Variants in D2HGDH observed in about 807,000 individuals in gnomAD.
D2HGDH encodes the protein D-2-hydroxyglutarate dehydrogenase, mitochondrial.
In D2HGDH, 31 loss-of-function variants were observed where a neutral mutation model predicts 46.9. The observed-to-expected ratio is 0.66, with a 90% CI of 0.50 to 0.89. The LOEUF (loss-of-function observed/expected upper bound fraction) is 0.89, where lower values mean the gene tolerates loss of function less well. Among genes scored for constraint, D2HGDH ranks in the 40% least tolerant of loss-of-function variants. D2HGDH has a pLI of 0.00. For missense variants in D2HGDH, 698 were observed against 720.8 expected (o/e 0.97, Z 0.36); for synonymous variants, 364 against 332.6 (o/e 1.09, Z -1.03).
At chr2:241,763,130 C>T (rs901876481) in intron 9 of D2HGDH, among the ~76,000 whole-genome samples, 1 of 152,184 alleles carries the variant, frequency 6.6e-6, no homozygotes, top group Non-Finnish European at 1.5e-5. Context: ...GTTCCGGGTG[C>T]AGGCCGCCGT....
intron 9 of D2HGDH, among the ~76,000 whole-genome samples, chr2:241,763,580 A>G (rs1405021587): frequency 1.3e-5 from 2 of 152,178 alleles, no homozygotes; most frequent in Admixed American, 6.5e-5. Flanking sequence ...CTGAGGCCAC[A>G]CTAAACTGAT....
In D2HGDH at chr2:241,767,820, A is replaced by G; in HGVS notation, c.1417A>G (p.Ser473Gly). ...EWTAGQQGSVSAEHGVGFRKR... is the reference protein window; with the variant it reads ...EWTAGQQGSVGAEHGVGFRKR... Reference sequence around the variant, plus strand: ...GACGGCCGGGCAGCAGGGCAGCGTCAGCGCGGAGCACGGAGTGGGCTTCAG... The same window carrying G: ...GACGGCCGGGCAGCAGGGCAGCGTCGGCGCGGAGCACGGAGTGGGCTTCAG... Residue 473 changes from serine (S) to glycine (G), a missense_variant, in exon 10 of 10, where the codon AGC (serine) becomes GGC (glycine). Physicochemically the swap from Ser to Gly is moderately conservative, Grantham distance 56 (BLOSUM62 0). Transcript: ENST00000321264. 1.9e-6 allele frequency: 3 copies of G among 1,612,428 alleles called. No homozygotes were observed. Among genetic ancestry groups the G allele is most frequent in the Non-Finnish European group, 2.5e-6 (3 of 1,179,534 alleles).
At position 241,751,281 on chromosome 2, in the gene D2HGDH, T is replaced by A; in HGVS notation, c.1033T>A (p.Ser345Thr). 1 of 1,614,006 alleles carries A rather than the reference T, an allele frequency of 6.2e-7. No individual in the cohort carries two copies. Among genetic ancestry groups the A allele is most frequent in the Non-Finnish European group, 8.5e-7 (1 of 1,180,040 alleles). The change falls in exon 8 of 10, where the codon TCC (serine) becomes ACC (threonine). Residue 345 changes from serine to threonine, a missense_variant. By Grantham distance (58) the Ser-to-Thr change is moderately conservative. Coordinates refer to ENST00000321264, the MANE Select transcript of D2HGDH (RefSeq NM_152783.5). The part of the protein sequence containing the change: ...PFYVLIETSG[S>T]NAGHDAEKLG... Reference sequence around the variant, plus strand: ...TTACGTCCTCATCGAGACTTCAGGCTCCAACGCAGGCCATGACGCTGAGAA... The same window carrying A: ...TTACGTCCTCATCGAGACTTCAGGCACCAACGCAGGCCATGACGCTGAGAA...
rs140096524 is a variant in D2HGDH at position 241,767,879 on chromosome 2, G to T, written c.1476G>T (p.Pro492=). The part of the protein sequence containing the change: ...KRDVLGYSKP[P]GALQLMQQLK... Reference sequence around the variant, plus strand: ...ACGTCCTGGGCTACAGCAAGCCACCGGGGGCCCTGCAGCTCATGCAGCAGC... The same window carrying T: ...ACGTCCTGGGCTACAGCAAGCCACCTGGGGCCCTGCAGCTCATGCAGCAGC... Residue 492 remains proline (P), a synonymous_variant, in exon 10 of 10, where the codon CCG becomes CCT. Coordinates refer to ENST00000321264, the MANE Select transcript of D2HGDH (RefSeq NM_152783.5). 1.2e-6 allele frequency: 2 copies of T among 1,608,164 alleles called. No individual in the cohort carries two copies. Among genetic ancestry groups the T allele is most frequent in the African/African-American group, 1.3e-5 (1 of 74,802 alleles).
Position 241,742,804 on chromosome 2 carries a change from G to A in D2HGDH, c.490+230G>A, listed in dbSNP as rs1417055900. On this transcript the variant is annotated intron_variant, in intron 4 of 9. Transcript: ENST00000321264. This position sits in a 1 kb window ranked among gnomAD's most constrained non-coding sequence, Gnocchi z 4.8. ...TTCTGGTCCCTTCCGACTCCATCCC[G>A]CTCTAGAGGTGTGTGAGGTGCAGAG... 6.6e-6 allele frequency among the ~76,000 whole-genome samples: 1 copy of A among 152,216 alleles called. No homozygotes were observed. The highest frequency in any genetic ancestry group is 1.5e-5 in the Non-Finnish European group (1 of 68,036).
chr2:241,735,203 C>A lies in D2HGDH; in HGVS notation c.-22C>A. 1 of 1,504,430 alleles carries A rather than the reference C, an allele frequency of 6.6e-7. No individual in the cohort carries two copies. Among genetic ancestry groups the A allele is most frequent in the South Asian group, 1.2e-5 (1 of 80,616 alleles). 93.2% of individuals were successfully genotyped at this position (1,504,430 alleles called of 1,614,324 possible). On this transcript the variant is annotated 5_prime_UTR_variant, in exon 2 of 10. Coordinates refer to ENST00000321264, the MANE Select transcript of D2HGDH (RefSeq NM_152783.5). ...ACCGGCCCCCCACCAAGGAGGAGCCCGAGGTCTCCGTCCCGGCGGCGATGC... is the reference window on the plus strand; with the variant it reads ...ACCGGCCCCCCACCAAGGAGGAGCCAGAGGTCTCCGTCCCGGCGGCGATGC...
At chr2:241,745,570 G>A (rs1695647633) in intron 6 of D2HGDH, among the ~76,000 whole-genome samples, 1 of 152,186 alleles carries the variant, frequency 6.6e-6, no homozygotes, top group Non-Finnish European at 1.5e-5. Context: ...GACTCCGCAT[G>A]CTTGTTCCTT....
intron 2 of D2HGDH, 64 bp from the exon 3 acceptor site, chr2:241,740,969 G>C (rs1472400197): frequency 7.9e-6 from 11 of 1,390,284 alleles, no homozygotes; most frequent in Non-Finnish European, 9.1e-6. Context: ...TCTGGGGCGA[G>C]TGACCACTTG....
At chr2:241,755,569 C>T (rs768249222) in intron 8 of D2HGDH, 70 of 1,448,220 alleles carry the variant, frequency 4.8e-5, no homozygotes, top group African/African-American at 4.3e-4. Flanking sequence ...TCGGTGCTGT[C>T]GTGGAGCCTG....
At chr2:241,738,395 T>C (rs984367802) in intron 2 of D2HGDH, among the ~76,000 whole-genome samples, 1 of 152,258 alleles carries the variant, frequency 6.6e-6, no homozygotes, top group Non-Finnish European at 1.5e-5. Context: ...TTGGAGCCAC[T>C]GCCTCAGGAA....
chr2:241,759,867 A>G (rs1218386867), intron 9 of D2HGDH, among the ~76,000 whole-genome samples: 1 of 152,228 alleles, frequency 6.6e-6, no homozygotes, highest in African/African-American at 2.4e-5. Flanking sequence ...GTGATGGTGA[A>G]TTCTCTGCGT....
intron 6 of D2HGDH, chr2:241,748,920 G>C (rs937327145): frequency 7.7e-7 from 1 of 1,296,092 alleles, no homozygotes; most frequent in East Asian, 5.7e-5. Context: ...CCCGGCTGCC[G>C]CATCCTGCTC....
chr2:241,735,177 T>C lies in D2HGDH; in HGVS notation c.-48T>C, dbSNP rs1692412105. ...CTGCCCTTCCCCTCCGGGCCCTGAG[T>C]ACCGGCCCCCCACCAAGGAGGAGCC... On this transcript the variant is annotated 5_prime_UTR_variant, in exon 2 of 10. Transcript: ENST00000321264. 6.8e-7 allele frequency: 1 copy of C among 1,472,580 alleles called. No individual in the cohort carries two copies. The highest frequency in any genetic ancestry group is 8.9e-7 in the Non-Finnish European group (1 of 1,121,990). 91.2% of individuals were successfully genotyped at this position (1,472,580 alleles called of 1,614,324 possible).
At chr2:241,744,618 G>T in intron 5 of D2HGDH, 91 bp from the exon 6 acceptor site, 1 of 1,489,546 alleles carries the variant, frequency 6.7e-7, no homozygotes, top group South Asian at 1.1e-5. Flanking sequence ...ATGACCTCAG[G>T]CTGCTGCAGA....
At chr2:241,751,129 C>A (rs1697115313) in intron 7 of D2HGDH, 117 bp from the exon 8 acceptor site, 1 of 1,413,190 alleles carries the variant, frequency 7.1e-7, no homozygotes, top group Non-Finnish European at 9.9e-7. Flanking sequence ...CTGCCTGGGT[C>A]CTTCTTGGCC....
chr2:241,735,020 C>T (rs990326511), intron 1 of D2HGDH, 113 bp from the exon 2 acceptor site: 2 of 589,708 alleles, frequency 3.4e-6, no homozygotes, highest in Non-Finnish European at 5.5e-6. Flanking sequence ...GGGGAGGGCC[C>T]GGGTGCTCGG....
chr2:241,742,291 G>A lies in D2HGDH; in HGVS notation c.351-144G>A. ...TCCTCAGAATCCCTCACATGCGTGG[G>A]CTGGGGAGGAGCCCCCGCTGAGGCT... On this transcript the variant is annotated intron_variant, in intron 3 of 9. Transcript: ENST00000321264. This position sits in a 1 kb window ranked among gnomAD's most constrained non-coding sequence, Gnocchi z 4.8. The A allele has an allele frequency of 9.0e-7, 1 of 1,112,156 alleles. No individual in the cohort carries two copies. Among genetic ancestry groups the A allele is most frequent in the Non-Finnish European group, 1.3e-6 (1 of 782,264 alleles). The allele number at this position is 1,112,156 out of a possible 1,614,324, so 68.9% of individuals were successfully genotyped here.
rs200103827 is a variant in D2HGDH, at chr2:241,767,737, C to T, written c.1334C>T (p.Thr445Met). The T allele has an allele frequency of 4.5e-5, 72 of 1,612,880 alleles. No individual in the cohort carries two copies. In the Admixed American group the frequency reaches 7.3e-4, roughly 16 times the overall value. ...LGDGNLHLNV[T>M]AEAFSPSLLA... is the part of the protein sequence containing the mutation. ...GATGGTAACCTGCACCTCAATGTGA[C>T]GGCGGAGGCCTTCAGCCCCTCGCTC... The change falls in exon 10 of 10, where the codon ACG (threonine) becomes ATG (methionine). Residue 445 changes from threonine (T) to methionine (M), a missense_variant. Physicochemically the swap from Thr to Met is moderately conservative, Grantham distance 81. Coordinates refer to ENST00000321264, the MANE Select transcript of D2HGDH (RefSeq NM_152783.5).
chr2:241,753,288 T>C (rs1697592429), intron 8 of D2HGDH, among the ~76,000 whole-genome samples: 1 of 152,158 alleles, frequency 6.6e-6, no homozygotes, highest in Non-Finnish European at 1.5e-5. Context: ...CTCTGAGGCT[T>C]TTCTGTGCTG....
Sources: allele counts gnomAD v4.1 joint callset (sites outside exome capture counted in the v4.1 genomes callset), GRCh38; gene constraint gnomAD v4.1.1; non-coding constraint Gnocchi (gnomAD v3.1); transcripts MANE v1.5; gene names NCBI Gene and HGNC (gene_info 2026-07-23, HGNC 2026-07-21).